Variants in CA8 observed in about 807,000 individuals in gnomAD.
CA8 encodes carbonic anhydrase-related protein.
A neutral mutation model predicts 41.4 loss-of-function variants in CA8; 22 were observed. The observed-to-expected ratio is 0.53, with a 90% CI of 0.38 to 0.76. The LOEUF is 0.76. Ranked by LOEUF, CA8 falls within the 30% of genes least tolerant of loss-of-function variation. The pLI is 0.00. For synonymous variants in CA8, 121 were observed against 130.6 expected (o/e 0.93, Z 0.50); for missense variants, 270 against 352.8 (o/e 0.77, Z 1.88).
intron 3 of CA8, among the ~76,000 whole-genome samples, chr8:60,235,538 A>G (rs1056324880): frequency 3.3e-5 from 5 of 152,230 alleles, no homozygotes; most frequent in Non-Finnish European, 7.3e-5. Flanking sequence ...AAATCTGAAA[A>G]GCTTGAATTA....
intron 2 of CA8, among the ~76,000 whole-genome samples, chr8:60,274,899 G>A (rs563548533): frequency 5.9e-5 from 9 of 152,316 alleles, no homozygotes; most frequent in African/African-American, 2.2e-4. Flanking sequence ...GAATGTGGCA[G>A]TGCAAAGTAG....
chr8:60,240,148 G>A (rs1807971410), intron 3 of CA8, among the ~76,000 whole-genome samples: 1 of 152,190 alleles, frequency 6.6e-6, no homozygotes, highest in South Asian at 2.1e-4. Context: ...CATTAAAAGA[G>A]AACAGACTTT....
At chr8:60,217,281 G>T (rs917980783) in intron 7 of CA8, among the ~76,000 whole-genome samples, 1 of 152,180 alleles carries the variant, frequency 6.6e-6, no homozygotes, top group Non-Finnish European at 1.5e-5. Context: ...CACCCAGCTC[G>T]TCTACTTTGT....
chr8:60,194,715 T>A (rs1806229898), intron 8 of CA8, among the ~76,000 whole-genome samples: 1 of 152,176 alleles, frequency 6.6e-6, no homozygotes, highest in Non-Finnish European at 1.5e-5. Flanking sequence ...TTCCTGGGAA[T>A]TTGAGAGATT....
chr8:60,247,838 C>T (rs1808304490), intron 3 of CA8, among the ~76,000 whole-genome samples: 1 of 152,218 alleles, frequency 6.6e-6, no homozygotes, highest in African/African-American at 2.4e-5. Flanking sequence ...ACACTGTATT[C>T]CACAATGGTT....
At chr8:60,240,660 G>A (rs111457919) in intron 3 of CA8, among the ~76,000 whole-genome samples, 6 of 151,552 alleles carry the variant, frequency 4.0e-5, no homozygotes, top group African/African-American at 1.2e-4. Flanking sequence ...TAGCTTCACA[G>A]AGGGAAAAAA....
At chr8:60,200,359 A>G (rs1179332892) in intron 8 of CA8, among the ~76,000 whole-genome samples, 2 of 152,206 alleles carry the variant, frequency 1.3e-5, no homozygotes, top group Admixed American at 6.5e-5. Context: ...TCTACCCCCA[A>G]TAAGGGGGTC....
At chr8:60,238,058 C>T (rs1168703473) in intron 3 of CA8, among the ~76,000 whole-genome samples, 6 of 152,142 alleles carry the variant, frequency 3.9e-5, no homozygotes, top group South Asian at 4.1e-4. Context: ...TTCATATTCC[C>T]GCAACTGATT....
chr8:60,212,465 G>A (rs1367248734), intron 7 of CA8, among the ~76,000 whole-genome samples: 1 of 152,166 alleles, frequency 6.6e-6, no homozygotes, highest in Non-Finnish European at 1.5e-5. Flanking sequence ...TAATGAACAT[G>A]GGAGTGCAGG....
intron 3 of CA8, among the ~76,000 whole-genome samples, chr8:60,261,607 T>C (rs1003080479): frequency 5.9e-5 from 9 of 152,178 alleles, no homozygotes; most frequent in Admixed American, 1.3e-4. Context: ...AATTTATGAG[T>C]CCATGCCTTA....
intron 2 of CA8, among the ~76,000 whole-genome samples, chr8:60,274,583 A>G (rs1176125614): frequency 2.0e-5 from 3 of 152,128 alleles, no homozygotes; most frequent in Admixed American, 1.3e-4. Flanking sequence ...GGTAAATCGG[A>G]TGAGGGCTCT....
intron 7 of CA8, among the ~76,000 whole-genome samples, chr8:60,217,227 A>C (rs1298315103): frequency 6.6e-6 from 1 of 152,248 alleles, no homozygotes; most frequent in Non-Finnish European, 1.5e-5. Flanking sequence ...TACTTTTAGG[A>C]AATTACCCTC....
intron 7 of CA8, 125 bp from the exon 8 acceptor site, chr8:60,209,044 T>A: frequency 8.8e-7 from 1 of 1,132,976 alleles, no homozygotes; most frequent in Non-Finnish European, 1.3e-6. Flanking sequence ...AAATTAAAAT[T>A]AAGCTTCAAA....
At chr8:60,236,363 C>T (rs182812164) in intron 3 of CA8, among the ~76,000 whole-genome samples, 1 of 152,318 alleles carries the variant, frequency 6.6e-6, no homozygotes, top group East Asian at 1.9e-4. Flanking sequence ...TTGCCAGCCC[C>T]CACAACTACA....
At chr8:60,193,637 G>A (rs1806198615) in intron 8 of CA8, among the ~76,000 whole-genome samples, 1 of 152,184 alleles carries the variant, frequency 6.6e-6, no homozygotes, top group South Asian at 2.1e-4. Flanking sequence ...TTAGCTTCCA[G>A]CGTTGCTTTT....
chr8:60,256,886 T>C (rs552573710), intron 3 of CA8, among the ~76,000 whole-genome samples: 41 of 152,138 alleles, frequency 2.7e-4, no homozygotes, highest in Non-Finnish European at 5.4e-4. Context: ...GAAGAAGTTT[T>C]AAAGAAAAAA....
intron 3 of CA8, among the ~76,000 whole-genome samples, chr8:60,245,604 A>G (rs9643368): frequency 0.48 from 72,413 of 152,098 alleles, 20,114 homozygotes; most frequent in African/African-American, 0.78. Flanking sequence ...TGCTATAGGC[A>G]ATCAACTTAT....
chr8:60,253,299 T>C (rs1475060956), intron 3 of CA8, among the ~76,000 whole-genome samples: 1 of 152,110 alleles, frequency 6.6e-6, no homozygotes, highest in African/African-American at 2.4e-5. Context: ...GTTAAAATAG[T>C]TAAAATTCAT....
chr8:60,222,842 A>G (rs1807299256), intron 6 of CA8, 81 bp from the exon 7 acceptor site: 1 of 840,172 alleles, frequency 1.2e-6, no homozygotes, highest in African/African-American at 1.7e-5. Context: ...AATTTTCAAA[A>G]TTACAAACTG....
Sources: gnomAD v4.1 joint callset for allele counts (sites outside exome capture counted in the v4.1 genomes callset) on GRCh38, gnomAD v4.1.1 for gene constraint, MANE v1.5 for transcripts, NCBI Gene and HGNC (gene_info 2026-07-23, HGNC 2026-07-21) for gene names.